PACSIN2: variants seen among roughly 807,000 people sequenced by gnomAD.
The protein encoded by PACSIN2 is protein kinase C and casein kinase substrate in neurons protein 2.
In PACSIN2, 25 loss-of-function variants were observed where a neutral mutation model predicts 63.8. The ratio of observed to expected loss-of-function variants is 0.39; its 90% CI spans 0.29 to 0.55. The LOEUF (loss-of-function observed/expected upper bound fraction) is 0.55, where lower values mean the gene tolerates loss of function less well. PACSIN2 is among the 20% of genes least tolerant of loss of function. The pLI, the probability that PACSIN2 is intolerant of heterozygous loss-of-function variation, is 0.62. For synonymous variants in PACSIN2, 255 were observed against 256.2 expected, an observed-to-expected ratio of 1.00 and a Z score of 0.05; for missense variants, 518 against 646.9, an observed-to-expected ratio of 0.80 and a Z score of 2.16.
At chr22:42,972,563 A>G (rs1322102455) in intron 1 of PACSIN2, among the ~76,000 whole-genome samples, 2 of 152,152 alleles carry the variant, frequency 1.3e-5, no homozygotes. Context: ...ATAGTTCCTT[A>G]TACATCTAGG....
intron 3 of PACSIN2, among the ~76,000 whole-genome samples, chr22:42,893,204 TC>T (rs1403321095): frequency 6.6e-6 from 1 of 152,194 alleles, no homozygotes; most frequent in Non-Finnish European, 1.5e-5. Flanking sequence ...TGCAAGTGTG[TC>T]CTATGGATGA....
intron 1 of PACSIN2, among the ~76,000 whole-genome samples, chr22:43,010,398 A>ATATTTTTTTTTTT: frequency 7.9e-6 from 1 of 126,396 alleles, no homozygotes; most frequent in African/African-American, 2.8e-5. Flanking sequence ...ATATATATAT[A>ATATTTTTTTTTTT]TTTTTTTTTA....
At chr22:42,957,888 A>C (rs990501149) in intron 1 of PACSIN2, among the ~76,000 whole-genome samples, 1 of 152,186 alleles carries the variant, frequency 6.6e-6, no homozygotes, top group African/African-American at 2.4e-5. Flanking sequence ...TCTATCAGTA[A>C]CAATTGACTG....
chr22:42,963,369 C>G (rs1037198684), intron 1 of PACSIN2, among the ~76,000 whole-genome samples: 6 of 152,194 alleles, frequency 3.9e-5, no homozygotes, highest in Non-Finnish European at 5.9e-5. Flanking sequence ...CCAGCAGCGC[C>G]ACCCATCAGC....
chr22:42,908,544 CT>C (rs1355381828), intron 2 of PACSIN2, among the ~76,000 whole-genome samples: 1 of 152,216 alleles, frequency 6.6e-6, no homozygotes, highest in Non-Finnish European at 1.5e-5. Flanking sequence ...GTCAGGAAAA[CT>C]TGCCAGAAGT....
intron 2 of PACSIN2, among the ~76,000 whole-genome samples, chr22:42,910,070 T>A (rs894166604): frequency 6.6e-6 from 1 of 152,118 alleles, no homozygotes; most frequent in Non-Finnish European, 1.5e-5. Flanking sequence ...CAAAGAAAAA[T>A]CAGTAACTTG....
At chr22:42,943,979 G>A (rs1354209050) in intron 1 of PACSIN2, among the ~76,000 whole-genome samples, 1 of 152,222 alleles carries the variant, frequency 6.6e-6, no homozygotes, top group Non-Finnish European at 1.5e-5. Flanking sequence ...CAAAGAAGTT[G>A]CTGGAGAGGA....
chr22:42,942,792 C>T (rs1236285889), intron 1 of PACSIN2, among the ~76,000 whole-genome samples: 1 of 152,226 alleles, frequency 6.6e-6, no homozygotes, highest in East Asian at 1.9e-4. Flanking sequence ...CCGCACCACA[C>T]TGTTTCTTGA....
chr22:42,934,866 A>G (rs1349998620), intron 1 of PACSIN2, among the ~76,000 whole-genome samples: 1 of 151,722 alleles, frequency 6.6e-6, no homozygotes, highest in African/African-American at 2.4e-5. Context: ...GAGCCAGGGC[A>G]TGGATTTCTT....
chr22:42,952,243 G>C (rs765075444), intron 1 of PACSIN2, among the ~76,000 whole-genome samples: 2 of 152,206 alleles, frequency 1.3e-5, no homozygotes, highest in Admixed American at 6.5e-5. Context: ...AGGAATGACA[G>C]AGCATAATTC....
chr22:42,916,402 TGG>T (rs1424080437), intron 1 of PACSIN2, among the ~76,000 whole-genome samples: 1 of 784 alleles, frequency 1.3e-3, no homozygotes, highest in Admixed American at 0.014. Flanking sequence ...CAACCTGGGG[TGG>T]GGGTGGGGAT....
intron 2 of PACSIN2, among the ~76,000 whole-genome samples, chr22:42,905,450 C>G (rs1318515133): frequency 6.6e-6 from 1 of 152,254 alleles, no homozygotes; most frequent in African/African-American, 2.4e-5. Flanking sequence ...TGGGTGTCAA[C>G]AGGCTCATTG....
intron 7 of PACSIN2, among the ~76,000 whole-genome samples, chr22:42,879,819 G>A (rs533328481): frequency 2.6e-5 from 4 of 152,230 alleles, no homozygotes; most frequent in African/African-American, 4.8e-5. Flanking sequence ...AGAAGGGGCA[G>A]GCAAGCAGAC....
At chr22:42,970,103 C>A (rs1012448922) in intron 1 of PACSIN2, among the ~76,000 whole-genome samples, 1 of 152,136 alleles carries the variant, frequency 6.6e-6, no homozygotes, top group African/African-American at 2.4e-5. Flanking sequence ...CAAGTCCTCA[C>A]GCTGGGAAGA....
chr22:42,909,726 A>C (rs1931323048), intron 2 of PACSIN2, among the ~76,000 whole-genome samples: 3 of 152,248 alleles, frequency 2.0e-5, no homozygotes, highest in African/African-American at 7.2e-5. Context: ...TAGTTGATTT[A>C]ATATATGCTG....
intron 1 of PACSIN2, among the ~76,000 whole-genome samples, chr22:43,014,346 A>C (rs1326368707): frequency 1.8e-4 from 3 of 16,290 alleles, no homozygotes; most frequent in Non-Finnish European, 2.9e-4. Context: ...ACACACACAC[A>C]CACACAGACA....
chr22:42,904,724 C>G (rs538519401), intron 2 of PACSIN2, among the ~76,000 whole-genome samples: 3,655 of 150,642 alleles, frequency 0.024, 141 homozygotes, highest in African/African-American at 0.086. Context: ...ACAGCCCCCC[C>G]ATACTGCACT....
chr22:42,876,258 G>A lies in PACSIN2; in HGVS notation c.1227C>T (p.Ser409=), dbSNP rs746005375. 3.7e-6 allele frequency: 6 copies of A among 1,614,096 alleles called. No homozygotes were observed. In the Admixed American group the frequency reaches 6.7e-5, roughly 18 times the overall value. ...GATTCGAGTCCCCATTGGCATCCGT[G>A]GAGGAGAAGGGGTTGTTAGACTCAT... ...SDDESNNPFS[S]TDANGDSNPF... The change falls in exon 10 of 11, where the codon TCC becomes TCT. Residue 409 remains serine (S), a synonymous_variant. Transcript: ENST00000263246.
At chr22:42,905,112 T>C (rs965385074) in intron 2 of PACSIN2, among the ~76,000 whole-genome samples, 3 of 152,072 alleles carry the variant, frequency 2.0e-5, no homozygotes, top group African/African-American at 4.8e-5. Flanking sequence ...ACAAAAAAAA[T>C]TTAAAAAATT....
Sources: allele counts gnomAD v4.1 joint callset (sites outside exome capture counted in the v4.1 genomes callset), GRCh38; gene constraint gnomAD v4.1.1; transcripts MANE v1.5; gene names NCBI Gene and HGNC (gene_info 2026-07-23, HGNC 2026-07-21).